The following EVI5 variants were observed in gnomAD, a reference collection of about 807,000 sequenced individuals.
The protein encoded by EVI5 is ecotropic viral integration site 5.
In EVI5, 73 loss-of-function variants were observed where a neutral mutation model predicts 112.0. That is an observed-to-expected ratio of 0.65 (90% CI 0.54 to 0.79). The LOEUF is 0.79. Among genes scored for constraint, EVI5 ranks in the 30% least tolerant of loss-of-function variants. The pLI is 0.00. For synonymous variants in EVI5, 305 were observed against 319.9 expected (o/e 0.95, Z 0.50); for missense variants, 900 against 968.8 (o/e 0.93, Z 0.94).
chr1:92,558,743 T>C (rs2100840177), intron 19 of EVI5, among the ~76,000 whole-genome samples: 1 of 151,798 alleles, frequency 6.6e-6, no homozygotes, highest in African/African-American at 2.4e-5. Context: ...GGTGCAGCCC[T>C]GTAGTCCCAG....
intron 17 of EVI5, among the ~76,000 whole-genome samples, chr1:92,606,886 T>TCACACACA (rs559617956): frequency 1.5e-3 from 101 of 66,326 alleles, no homozygotes; most frequent in African/African-American, 8.3e-3. Context: ...TTTAGTTATT[T>TCACACACA]CACACACACA....
At chr1:92,527,446 TAAAAG>T (rs1156783970) in intron 19 of EVI5, among the ~76,000 whole-genome samples, 18 of 133,408 alleles carry the variant, frequency 1.3e-4, no homozygotes, top group East Asian at 2.2e-4. Context: ...AAAAAAGAAA[TAAAAG>T]AAAAGAAAAA....
At chr1:92,651,393 C>T (rs1180581068) in intron 13 of EVI5, among the ~76,000 whole-genome samples, 1 of 152,064 alleles carries the variant, frequency 6.6e-6, no homozygotes, top group Non-Finnish European at 1.5e-5. Context: ...AACAAAATCT[C>T]GGTCAAAAAA....
chr1:92,694,186 A>G, intron 8 of EVI5, 113 bp downstream of exon 8: 1 of 651,868 alleles, frequency 1.5e-6, no homozygotes, highest in Non-Finnish European at 2.7e-6. Context: ...GATCACTTGA[A>G]CCTGGGAGGC....
chr1:92,634,663 CCTT>C (rs925411480), intron 14 of EVI5, among the ~76,000 whole-genome samples: 80 of 152,304 alleles, frequency 5.3e-4, no homozygotes, highest in African/African-American at 1.9e-3. Context: ...TCGTCTGAAG[CCTT>C]CTTCTCTCAA....
chr1:92,721,671 T>A (rs1374514199), intron 2 of EVI5, among the ~76,000 whole-genome samples: 1 of 152,100 alleles, frequency 6.6e-6, no homozygotes, highest in Non-Finnish European at 1.5e-5. Flanking sequence ...GAACTTAAAG[T>A]ATAACAATAA....
chr1:92,623,689 T>A (rs1410230695), intron 16 of EVI5, among the ~76,000 whole-genome samples: 7 of 152,120 alleles, frequency 4.6e-5, no homozygotes, highest in African/African-American at 1.7e-4. Context: ...GGCAATTTTG[T>A]CCCCCAGGGG....
In EVI5 at chr1:92,759,896, A is replaced by G. The variant is rs553921682; in HGVS notation, c.-81-23269T>C. On this transcript the variant is annotated intron_variant, in intron 1 of 19. Coordinates refer to ENST00000684568, the MANE Select transcript of EVI5 (RefSeq NM_001350197.2). ...ACATTTTGTCTATGCATTCATCTCT[A>G]TGCTGAGGAACATTTGGGTTATTTC... is the stretch of plus-strand genomic sequence containing the variant. 2.2e-4 allele frequency among the ~76,000 whole-genome samples: 30 copies of G among 133,962 alleles called. No individual in the cohort carries two copies. The Admixed American group carries it at 2.5e-3, about 11-fold the overall frequency. The allele number at this position is 133,962 out of a possible 152,430, so 87.9% of individuals were successfully genotyped here. A position where few individuals can be genotyped will look rare whatever the true frequency, so the allele number is the denominator to read the frequency against.
At chr1:92,550,683 C>T (rs1390147125) in intron 19 of EVI5, among the ~76,000 whole-genome samples, 1 of 124,330 alleles carries the variant, frequency 8.0e-6, no homozygotes, top group African/African-American at 3.1e-5. Context: ...GGAGGCAGAG[C>T]TTGCAGTGAG....
intron 19 of EVI5, among the ~76,000 whole-genome samples, chr1:92,534,994 G>A (rs977799963): frequency 6.6e-6 from 1 of 152,050 alleles, no homozygotes; most frequent in Non-Finnish European, 1.5e-5. Context: ...GCAACATACA[G>A]AATGGGAGAA....
intron 1 of EVI5, 49 bp downstream of exon 1, chr1:92,784,787 C>G (rs1685396402): frequency 5.1e-6 from 5 of 983,334 alleles, no homozygotes; most frequent in Non-Finnish European, 6.0e-6. Context: ...CACGGACTCA[C>G]CGCCCGCCCG....
intron 13 of EVI5, among the ~76,000 whole-genome samples, chr1:92,661,747 T>G (rs1405820459): frequency 6.6e-6 from 1 of 152,126 alleles, no homozygotes; most frequent in Non-Finnish European, 1.5e-5. Context: ...TTTTTGCTTC[T>G]GGTTTTCTGA....
At chr1:92,549,198 T>A (rs1666348438) in intron 19 of EVI5, among the ~76,000 whole-genome samples, 1 of 152,178 alleles carries the variant, frequency 6.6e-6, no homozygotes, top group Admixed American at 6.5e-5. Context: ...ATGCCACATG[T>A]CTACAACCAG....
chr1:92,555,158 T>TG (rs1667491612), intron 19 of EVI5, among the ~76,000 whole-genome samples: 1 of 152,272 alleles, frequency 6.6e-6, no homozygotes, highest in African/African-American at 2.4e-5. Context: ...CCTATTTACT[T>TG]GGTTGTATGA....
In EVI5 at chr1:92,619,767, T is replaced by A. The variant is rs574718336; in HGVS notation, c.1827+4409A>T. 3.0e-3 allele frequency among the ~76,000 whole-genome samples: 443 copies of A among 147,834 alleles called. 2 individuals carry two copies. Among genetic ancestry groups the A allele is most frequent in the East Asian group, 4.6e-3 (23 of 5,054 alleles). On this transcript the variant is annotated intron_variant, in intron 16 of 19. Coordinates refer to ENST00000684568, the MANE Select transcript of EVI5 (RefSeq NM_001350197.2). ...CCTTTTCTCTTTGAAAAAAAAAAAA[T>A]TTTTTTTTTGTTAAAGAAAAGCTAG...
chr1:92,566,000 C>T (rs970364806), intron 18 of EVI5, among the ~76,000 whole-genome samples: 4 of 136,300 alleles, frequency 2.9e-5, no homozygotes, highest in African/African-American at 1.1e-4. Flanking sequence ...GGGTAGCACT[C>T]CTATAGGGTC....
At chr1:92,647,501 A>G (rs11164788) in intron 13 of EVI5, 83,488 of 487,650 alleles carry the variant, frequency 0.17, 8,028 homozygotes, top group South Asian at 0.24. Flanking sequence ...ACTGTCTTCC[A>G]CCTCTCAGAG....
intron 2 of EVI5, chr1:92,732,346 T>C: frequency 2.7e-6 from 1 of 365,170 alleles, no homozygotes; most frequent in South Asian, 2.5e-5. Flanking sequence ...AGTAACTTGT[T>C]AAAGACATTG....
At chr1:92,629,685 C>A (rs1656480177) in intron 14 of EVI5, among the ~76,000 whole-genome samples, 1 of 151,410 alleles carries the variant, frequency 6.6e-6, no homozygotes, top group Non-Finnish European at 1.5e-5. Context: ...TTTTATTATA[C>A]TTTAAGTTTT....
Sources: gnomAD v4.1 joint callset for allele counts (sites outside exome capture counted in the v4.1 genomes callset) on GRCh38, gnomAD v4.1.1 for gene constraint, MANE v1.5 for transcripts, NCBI Gene and HGNC (gene_info 2026-07-23, HGNC 2026-07-21) for gene names.